Variants in EOGT observed in about 807,000 individuals in gnomAD.
EOGT encodes the protein EGF domain-specific O-linked N-acetylglucosamine transferase.
A neutral mutation model predicts 70.5 loss-of-function variants in EOGT; 55 were observed. That is an observed-to-expected ratio of 0.78 (90% CI 0.63 to 0.98). The LOEUF is 0.98. Ranked by LOEUF, EOGT falls within the 50% of genes least tolerant of loss-of-function variation. The probability of loss-of-function intolerance (pLI) is 0.00; values close to 1 mark genes in which losing one functional copy is unlikely to be tolerated. For synonymous variants in EOGT, 246 were observed against 217.1 expected (o/e 1.13, Z -1.17); for missense variants, 703 against 641.9 (o/e 1.10, Z -1.03).
chr3:69,006,315 G>A (rs115256984), intron 6 of EOGT, among the ~76,000 whole-genome samples: 2,262 of 152,226 alleles, frequency 0.015, 60 homozygotes, highest in African/African-American at 0.052. Flanking sequence ...CACATCCTGA[G>A]GCCTCATTCA....
chr3:68,978,294 T>G (rs975094741), intron 17 of EOGT, 39 bp downstream of exon 17: 2 of 1,474,132 alleles, frequency 1.4e-6, no homozygotes, highest in Non-Finnish European at 1.9e-6. Context: ...TTAAACCAAT[T>G]AAAAATGAAG....
chr3:68,987,543 A>C (rs367720571), intron 13 of EOGT, 30 bp from the exon 14 acceptor site: 114 of 1,537,172 alleles, frequency 7.4e-5, no homozygotes, highest in Admixed American at 2.4e-4. Context: ...GTAAAATAAC[A>C]CTGCATATGC....
At position 69,001,556 on chromosome 3, in the gene EOGT, G is replaced by T. The variant is rs1484169092; in HGVS notation, c.727+52C>A. 1.3e-5 allele frequency: 16 copies of T among 1,205,898 alleles called. No homozygotes were observed. In the East Asian group the frequency reaches 3.4e-4, roughly 25 times the overall value. 74.7% of individuals were successfully genotyped at this position (1,205,898 alleles called of 1,614,324 possible). A position where few individuals can be genotyped will look rare whatever the true frequency, so the allele number is the denominator to read the frequency against. ...AGAGAATTACTACATCCAAAAAAAG[G>T]AATAATATCTCATTAACAAATACAC... On this transcript the variant is annotated intron_variant, in intron 9 of 17. Transcript: ENST00000383701.
chr3:69,009,549 G>T, intron 4 of EOGT, 88 bp downstream of exon 4: 1 of 971,596 alleles, frequency 1.0e-6, no homozygotes, highest in Non-Finnish European at 1.6e-6. Context: ...TTAGAATTCT[G>T]CCTTCAGTTT....
At chr3:68,998,750 T>G (rs1021529586) in intron 9 of EOGT, among the ~76,000 whole-genome samples, 4 of 150,896 alleles carry the variant, frequency 2.7e-5, no homozygotes, top group Admixed American at 1.3e-4. Context: ...GCAGGAGAAT[T>G]TGCTTGAACC....
At position 68,975,349 on chromosome 3, in the gene EOGT, C is replaced by T. The variant is rs181222895; in HGVS notation, c.*2269G>A. 1.6e-3 allele frequency: 242 copies of T among 152,690 alleles called. 2 individuals carry two copies. Among genetic ancestry groups the T allele is most frequent in the Admixed American group, 2.8e-3 (43 of 15,296 alleles). 9.5% of individuals were successfully genotyped at this position (152,690 alleles called of 1,614,324 possible). A position where few individuals can be genotyped will look rare whatever the true frequency, so the allele number is the denominator to read the frequency against. ...TTTTACAATTTGAAGACCTTCTGTTCCCACAAAAAGTCTCATAAAATTCCA... is the reference window on the plus strand; with the variant it reads ...TTTTACAATTTGAAGACCTTCTGTTTCCACAAAAAGTCTCATAAAATTCCA... On this transcript the variant is annotated 3_prime_UTR_variant, in exon 18 of 18. Coordinates refer to ENST00000383701, the MANE Select transcript of EOGT (RefSeq NM_001278689.2).
intron 3 of EOGT, among the ~76,000 whole-genome samples, chr3:69,010,376 G>A (rs947626185): frequency 6.6e-6 from 1 of 152,210 alleles, no homozygotes; most frequent in African/African-American, 2.4e-5. Context: ...AAAAATTATG[G>A]AAGGGCTTGA....
intron 2 of EOGT, 109 bp from the exon 3 acceptor site, chr3:69,012,100 A>G (rs761218632): frequency 2.0e-5 from 3 of 152,274 alleles, no homozygotes; most frequent in South Asian, 2.1e-4. Context: ...ATGTAACGTG[A>G]TAACTCTCAG....
chr3:69,002,026 C>T (rs963517273), intron 8 of EOGT, among the ~76,000 whole-genome samples: 2 of 152,180 alleles, frequency 1.3e-5, no homozygotes, highest in Admixed American at 1.3e-4. Context: ...CCCATCTCTA[C>T]TAAAAATACA....
intron 3 of EOGT, among the ~76,000 whole-genome samples, chr3:69,010,180 T>C (rs1202640417): frequency 6.6e-6 from 1 of 152,200 alleles, no homozygotes; most frequent in Admixed American, 6.5e-5. Flanking sequence ...TGACTGGGCC[T>C]GTGAATCAAA....
rs1422299505 is a variant in EOGT at position 69,008,552 on chromosome 3, T to C, written c.211-24A>G. The C allele has an allele frequency of 1.9e-6, 3 of 1,538,530 alleles. No individual in the cohort carries two copies. The African/African-American group carries it at 4.1e-5, about 21-fold the overall frequency. ...TTCTAGAACATAAAACTTACATTGATTTCCCTTCTTCTGACATTTAGAGAA... is the reference window on the plus strand; with the variant it reads ...TTCTAGAACATAAAACTTACATTGACTTCCCTTCTTCTGACATTTAGAGAA... On this transcript the variant is annotated intron_variant, in intron 4 of 17. Coordinates refer to ENST00000383701, the MANE Select transcript of EOGT (RefSeq NM_001278689.2).
rs144921586 is a variant in EOGT at position 68,978,389 on chromosome 3, T to G, written c.1381A>C (p.Arg461=). The change falls in exon 17 of 18, where the codon AGA becomes CGA. Residue 461 remains arginine (R), a synonymous_variant. Transcript: ENST00000383701. ...ERCYLDLARL[R]GVHYITWRRQ... is the part of the protein sequence containing the mutation. ...CGCCAAGTGATGTAGTGAACGCCTCTCAGCCTGGCCAAGTCTAAGTAACAG... is the reference window on the plus strand; with the variant it reads ...CGCCAAGTGATGTAGTGAACGCCTCGCAGCCTGGCCAAGTCTAAGTAACAG... The G allele has an allele frequency of 1.4e-4, 222 of 1,612,814 alleles. No individual in the cohort carries two copies. Among genetic ancestry groups the G allele is most frequent in the Non-Finnish European group, 1.7e-4 (202 of 1,179,566 alleles).
At chr3:68,983,677 C>G (rs2090718313) in intron 14 of EOGT, among the ~76,000 whole-genome samples, 1 of 152,212 alleles carries the variant, frequency 6.6e-6, no homozygotes, top group African/African-American at 2.4e-5. Flanking sequence ...AAGAATCACA[C>G]CAGTGGCTGG....
intron 4 of EOGT, among the ~76,000 whole-genome samples, 176 bp downstream of exon 4, chr3:69,009,461 G>A (rs2091515299): frequency 6.6e-6 from 1 of 151,972 alleles, no homozygotes; most frequent in Non-Finnish European, 1.5e-5. Flanking sequence ...CTTATGAATG[G>A]GACATAATTT....
rs554541169 is a variant in EOGT at position 68,976,105 on chromosome 3, G to T, written c.*1513C>A. 6.6e-6 allele frequency: 1 copy of T among 152,332 alleles called. No individual in the cohort carries two copies. The highest frequency in any genetic ancestry group is 6.5e-5 in the Admixed American group (1 of 15,296). 9.4% of individuals were successfully genotyped at this position (152,332 alleles called of 1,614,324 possible). ...GTAAGAAATGAATCCCACTCAAAGA[G>T]TGGGGCTACATTCCAGATATTCTTT... On this transcript the variant is annotated 3_prime_UTR_variant, in exon 18 of 18. Transcript: ENST00000383701.
chr3:68,987,817 G>C lies in EOGT; in HGVS notation c.1084-304C>G, dbSNP rs76948591. On this transcript the variant is annotated intron_variant, in intron 13 of 17. Coordinates refer to ENST00000383701, the MANE Select transcript of EOGT (RefSeq NM_001278689.2). ...GTGAGGGAGATATAACCAATGAAGGGGGAAAGGAGGACAGGAGGAAGCACA... is the reference window on the plus strand; with the variant it reads ...GTGAGGGAGATATAACCAATGAAGGCGGAAAGGAGGACAGGAGGAAGCACA... 0.015 allele frequency: 6,324 copies of C among 432,800 alleles called. 350 individuals are homozygous for C. The highest frequency in any genetic ancestry group is 0.11 in the African/African-American group (5,726 of 49,890). 26.8% of individuals were successfully genotyped at this position (432,800 alleles called of 1,614,324 possible).
intron 14 of EOGT, among the ~76,000 whole-genome samples, chr3:68,983,994 C>A (rs2090728835): frequency 6.6e-6 from 1 of 152,020 alleles, no homozygotes; most frequent in African/African-American, 2.4e-5. Flanking sequence ...AAATATCATA[C>A]CAAGTAAGTA....
chr3:68,992,087 C>G (rs2091009724), intron 10 of EOGT, among the ~76,000 whole-genome samples: 1 of 152,106 alleles, frequency 6.6e-6, no homozygotes, highest in African/African-American at 2.4e-5. Flanking sequence ...GGGACACAGC[C>G]AAACCATATC....
At chr3:68,980,598 A>G (rs111507577) in intron 15 of EOGT, among the ~76,000 whole-genome samples, 1 of 152,356 alleles carries the variant, frequency 6.6e-6, no homozygotes, top group African/African-American at 2.4e-5. Context: ...AAAATAAATG[A>G]TCAAGATTAT....
Sources: gnomAD v4.1 joint callset for allele counts (sites outside exome capture counted in the v4.1 genomes callset) on GRCh38, gnomAD v4.1.1 for gene constraint, MANE v1.5 for transcripts, NCBI Gene and HGNC (gene_info 2026-07-23, HGNC 2026-07-21) for gene names.